SLC9A9: variants seen among roughly 807,000 people sequenced by gnomAD.
The protein encoded by SLC9A9 is sodium/hydrogen exchanger 9.
Under a neutral mutation model 77.8 loss-of-function variants are expected in SLC9A9, and 62 were observed. The ratio of observed to expected loss-of-function variants is 0.80; its 90% CI spans 0.65 to 0.98. SLC9A9 has a LOEUF of 0.98. Ranked by LOEUF, SLC9A9 falls within the 50% of genes least tolerant of loss-of-function variation. The pLI is 0.00. For missense variants in SLC9A9, 775 were observed against 774.9 expected (o/e 1.00, Z 0.00); for synonymous variants, 320 against 283.5 (o/e 1.13, Z -1.29).
chr3:143,677,844 T>TG (rs1932931940), intron 5 of SLC9A9, among the ~76,000 whole-genome samples: 1 of 73,198 alleles, frequency 1.4e-5, no homozygotes, highest in Non-Finnish European at 2.9e-5. Context: ...TTTTTTTTTT[T>TG]GAGACAGAGT....
intron 13 of SLC9A9, among the ~76,000 whole-genome samples, chr3:143,374,208 G>T (rs112011930): frequency 6.6e-6 from 1 of 151,864 alleles, no homozygotes; most frequent in Non-Finnish European, 1.5e-5. Context: ...GGCGGATCAC[G>T]AGGTCAGGAG....
rs773729951 is a variant in SLC9A9, at chr3:143,848,206, C to T, written c.117G>A (p.Trp39Ter). ...FLLILTILTIWLFKNHRFRFL... is the reference protein window; with the variant it reads ...FLLILTILTI ...AGCGGAATCGATGATTTTTAAATAACCAGATTGTCAAAATGGTAAGGATGA... is the reference window on the plus strand; with the variant it reads ...AGCGGAATCGATGATTTTTAAATAATCAGATTGTCAAAATGGTAAGGATGA... Residue 39 changes from tryptophan (W) to a stop codon, truncating the protein, a stop_gained, in exon 1 of 16, where the codon TGG becomes TGA. Coordinates refer to ENST00000316549, the MANE Select transcript of SLC9A9 (RefSeq NM_173653.4). LOFTEE classifies it high-confidence loss of function. The T allele has an allele frequency of 6.2e-7, 1 of 1,613,980 alleles. No individual in the cohort carries two copies. Among genetic ancestry groups the T allele is most frequent in the Non-Finnish European group, 8.5e-7 (1 of 1,179,920 alleles).
intron 10 of SLC9A9, among the ~76,000 whole-genome samples, chr3:143,494,382 C>A (rs1432113643): frequency 6.6e-6 from 1 of 152,188 alleles, no homozygotes; most frequent in East Asian, 1.9e-4. Context: ...TTGACTCCTT[C>A]CCCGATGGGC....
intron 2 of SLC9A9, among the ~76,000 whole-genome samples, chr3:143,799,974 C>A (rs2008504931): frequency 6.6e-6 from 1 of 152,196 alleles, no homozygotes; most frequent in African/African-American, 2.4e-5. Context: ...ACTCCCAACT[C>A]TGGTGCCAAC....
chr3:143,273,764 G>A (rs1287330759), intron 14 of SLC9A9, among the ~76,000 whole-genome samples: 2 of 152,150 alleles, frequency 1.3e-5, no homozygotes, highest in African/African-American at 4.8e-5. Flanking sequence ...GACCTCTCTT[G>A]GAGATTCTGA....
At chr3:143,560,828 A>G (rs1398806517) in intron 8 of SLC9A9, among the ~76,000 whole-genome samples, 5 of 152,218 alleles carry the variant, frequency 3.3e-5, no homozygotes, top group East Asian at 1.9e-4. Flanking sequence ...AATTAACAAA[A>G]AAGCATAGGC....
At chr3:143,831,811 C>G (rs895477434) in intron 2 of SLC9A9, among the ~76,000 whole-genome samples, 1 of 151,692 alleles carries the variant, frequency 6.6e-6, no homozygotes, top group Non-Finnish European at 1.5e-5. Context: ...TTCCTAACTT[C>G]TAGGAAAAAA....
intron 14 of SLC9A9, among the ~76,000 whole-genome samples, chr3:143,310,936 G>A (rs1329902798): frequency 6.6e-6 from 1 of 152,204 alleles, no homozygotes; most frequent in Non-Finnish European, 1.5e-5. Flanking sequence ...TTGGGAGGAT[G>A]TCTGAAGTCC....
intron 2 of SLC9A9, among the ~76,000 whole-genome samples, chr3:143,797,695 C>T (rs1171131947): frequency 2.6e-5 from 4 of 152,142 alleles, no homozygotes; most frequent in Admixed American, 6.5e-5. Flanking sequence ...ATTCCTTCTC[C>T]TGGCTCATCC....
intron 6 of SLC9A9, 60 bp downstream of exon 6, chr3:143,652,195 A>G: frequency 1.5e-6 from 2 of 1,331,708 alleles, no homozygotes; most frequent in Non-Finnish European, 2.1e-6. Flanking sequence ...AAGAGAAAAG[A>G]TACAAGTGAA....
At chr3:143,322,386 A>T (rs1188390852) in intron 14 of SLC9A9, among the ~76,000 whole-genome samples, 1 of 152,118 alleles carries the variant, frequency 6.6e-6, no homozygotes, top group Admixed American at 6.5e-5. Flanking sequence ...TTGGACTGGA[A>T]TTTATACTAT....
At chr3:143,493,222 C>T (rs750188880) in intron 11 of SLC9A9, among the ~76,000 whole-genome samples, 1 of 152,150 alleles carries the variant, frequency 6.6e-6, no homozygotes, top group Non-Finnish European at 1.5e-5. Context: ...GTTTCTGGAG[C>T]TTTGCATAAG....
chr3:143,498,104 T>C (rs1256838096), intron 9 of SLC9A9, among the ~76,000 whole-genome samples: 2 of 152,362 alleles, frequency 1.3e-5, no homozygotes, highest in Admixed American at 6.5e-5. Flanking sequence ...ACTCAACTTA[T>C]TGAAATCTAA....
Position 143,266,594 on chromosome 3 carries a change from C to T in SLC9A9, c.*108G>A, listed in dbSNP as rs143444822. On this transcript the variant is annotated 3_prime_UTR_variant, in exon 16 of 16. Transcript: ENST00000316549. ...AGGCTTTGATTCTCTCCAATTTATG[C>T]TCTTAATATGTTTTCCAGCCTCTCC... 172 of 1,086,836 alleles carry T rather than the reference C, an allele frequency of 1.6e-4. 1 individual carries two copies. In the African/African-American group the frequency reaches 2.5e-3, roughly 16 times the overall value. The allele number at this position is 1,086,836 out of a possible 1,614,324, so 67.3% of individuals were successfully genotyped here.
chr3:143,369,179 C>A (rs1386693735), intron 13 of SLC9A9, among the ~76,000 whole-genome samples: 2 of 152,050 alleles, frequency 1.3e-5, no homozygotes, highest in Admixed American at 6.6e-5. Flanking sequence ...TATAGTAGAT[C>A]CAAGTTAATC....
intron 12 of SLC9A9, among the ~76,000 whole-genome samples, chr3:143,385,323 T>C (rs1045275536): frequency 6.6e-6 from 1 of 152,226 alleles, no homozygotes; most frequent in African/African-American, 2.4e-5. Context: ...TTAAATATTA[T>C]AGAAAGGCTT....
At chr3:143,731,605 G>A (rs896537436) in intron 4 of SLC9A9, among the ~76,000 whole-genome samples, 4 of 152,162 alleles carry the variant, frequency 2.6e-5, no homozygotes, top group Non-Finnish European at 4.4e-5. Context: ...TATTCTTACT[G>A]TCAATATGGT....
chr3:143,579,413 T>C (rs1216082810), intron 6 of SLC9A9, among the ~76,000 whole-genome samples: 1 of 152,196 alleles, frequency 6.6e-6, no homozygotes, highest in African/African-American at 2.4e-5. Flanking sequence ...CAATAGGCAG[T>C]CTGTTCACTT....
chr3:143,846,634 T>A (rs1292629256), intron 1 of SLC9A9, among the ~76,000 whole-genome samples: 2 of 152,036 alleles, frequency 1.3e-5, no homozygotes, highest in Non-Finnish European at 2.9e-5. Context: ...TCAGTGGATC[T>A]CTTTAGGCCA....
Sources: allele counts gnomAD v4.1 joint callset (sites outside exome capture counted in the v4.1 genomes callset), GRCh38; gene constraint gnomAD v4.1.1; transcripts MANE v1.5; gene names NCBI Gene and HGNC (gene_info 2026-07-23, HGNC 2026-07-21).